TMTC2: variants seen among roughly 807,000 people sequenced by gnomAD.
TMTC2 encodes the protein protein O-mannosyl-transferase TMTC2.
TMTC2 carries 43 observed loss-of-function variants against 82.4 expected under a neutral mutation model. The observed-to-expected ratio is 0.52, with a 90% confidence interval of 0.41 to 0.67. TMTC2 has a LOEUF of 0.67. Among genes scored for constraint, TMTC2 ranks in the 30% least tolerant of loss-of-function variants. The pLI, the probability that TMTC2 is intolerant of heterozygous loss-of-function variation, is 0.00. For missense variants in TMTC2, 919 were observed against 1,012.4 expected (o/e 0.91, Z 1.25); for synonymous variants, 408 against 381.9 (o/e 1.07, Z -0.80).
At chr12:82,982,885 G>C (rs1878985602) in intron 7 of TMTC2, among the ~76,000 whole-genome samples, 1 of 151,966 alleles carries the variant, frequency 6.6e-6, no homozygotes, top group Non-Finnish European at 1.5e-5. Context: ...CATGATTTTT[G>C]AGTGTATAAT....
At chr12:82,753,198 C>T (rs1352881152) in intron 1 of TMTC2, among the ~76,000 whole-genome samples, 1 of 152,142 alleles carries the variant, frequency 6.6e-6, no homozygotes, top group African/African-American at 2.4e-5. Context: ...CTCCTACCCT[C>T]AGGAGCCAGG....
chr12:82,797,360 G>A (rs1878772697), intron 1 of TMTC2, among the ~76,000 whole-genome samples: 1 of 152,122 alleles, frequency 6.6e-6, no homozygotes, highest in Non-Finnish European at 1.5e-5. Context: ...TTACACTTCT[G>A]TAGCATAATG....
At chr12:82,814,832 A>G (rs1298228891) in intron 1 of TMTC2, among the ~76,000 whole-genome samples, 4 of 152,178 alleles carry the variant, frequency 2.6e-5, no homozygotes, top group Admixed American at 2.0e-4. Context: ...TTGAAATACT[A>G]CTGTAGAATC....
At chr12:82,980,814 A>G (rs1014288465) in intron 7 of TMTC2, among the ~76,000 whole-genome samples, 1 of 151,850 alleles carries the variant, frequency 6.6e-6, no homozygotes, top group Non-Finnish European at 1.5e-5. Flanking sequence ...GCCACTTACT[A>G]TCTGAGGTGT....
At chr12:82,954,842 A>G (rs1163149420) in intron 4 of TMTC2, among the ~76,000 whole-genome samples, 2 of 152,216 alleles carry the variant, frequency 1.3e-5, no homozygotes, top group Non-Finnish European at 2.9e-5. Flanking sequence ...GGTCAGATGT[A>G]TTGTCAGAAG....
At chr12:82,912,619 C>T (rs1295895782) in intron 3 of TMTC2, among the ~76,000 whole-genome samples, 1 of 152,106 alleles carries the variant, frequency 6.6e-6, no homozygotes, top group Non-Finnish European at 1.5e-5. Context: ...ATGATGGCAT[C>T]ATGTTACCTT....
chr12:83,133,250 G>A lies in TMTC2; in HGVS notation c.*861G>A, dbSNP rs745877193. On this transcript the variant is annotated 3_prime_UTR_variant, in exon 12 of 12. Coordinates refer to ENST00000321196, the MANE Select transcript of TMTC2 (RefSeq NM_152588.3). ...TGGAGAATGTGCAAGCTTACATAAG[G>A]ATAAAGGACAGGGGAGGAGTTTGTA... 2 of 152,162 alleles carry A rather than the reference G, an allele frequency of 1.3e-5. No individual in the cohort carries two copies. The highest frequency in any genetic ancestry group is 2.9e-5 in the Non-Finnish European group (2 of 68,042). 9.4% of individuals were successfully genotyped at this position (152,162 alleles called of 1,614,324 possible).
At chr12:82,736,288 A>G (rs940732747) in intron 1 of TMTC2, among the ~76,000 whole-genome samples, 1 of 152,172 alleles carries the variant, frequency 6.6e-6, no homozygotes, top group Non-Finnish European at 1.5e-5. Context: ...TAAAATAATT[A>G]TTAGCAATTT....
intron 1 of TMTC2, among the ~76,000 whole-genome samples, chr12:82,773,633 G>A (rs1202137109): frequency 6.6e-6 from 1 of 151,474 alleles, no homozygotes; most frequent in Non-Finnish European, 1.5e-5. Context: ...GCTAGTTGTT[G>A]TATTTTTAGT....
chr12:83,083,555 G>A, intron 11 of TMTC2, among the ~76,000 whole-genome samples: 1 of 152,090 alleles, frequency 6.6e-6, no homozygotes, highest in East Asian at 1.9e-4. Flanking sequence ...GTGATGGCAG[G>A]TACTTGGTTC....
intron 2 of TMTC2, among the ~76,000 whole-genome samples, chr12:82,858,555 C>G (rs555990465): frequency 1.2e-3 from 181 of 152,224 alleles, no homozygotes; most frequent in Middle Eastern, 6.8e-3. Flanking sequence ...TACTTTTTCA[C>G]CATCGATTTC....
At position 82,687,353 on chromosome 12, in the gene TMTC2, G is replaced by A; in HGVS notation, c.-234G>A. The A allele has an allele frequency of 3.5e-6, 2 of 570,056 alleles. No homozygotes were observed. The highest frequency in any genetic ancestry group is 5.9e-5 in the East Asian group (2 of 33,694). 35.3% of individuals were successfully genotyped at this position (570,056 alleles called of 1,614,324 possible). On this transcript the variant is annotated 5_prime_UTR_variant, in exon 1 of 12. The change abolishes an upstream ATG in the 5' untranslated region. Coordinates refer to ENST00000321196, the MANE Select transcript of TMTC2 (RefSeq NM_152588.3). ...CTCACCGCTTGCGGGCGCCGGGCATGGGGAGTGTGGTGTGAGCCCGCACCC... is the reference window on the plus strand; with the variant it reads ...CTCACCGCTTGCGGGCGCCGGGCATAGGGAGTGTGGTGTGAGCCCGCACCC...
chr12:82,776,525 C>G (rs1477355663), intron 1 of TMTC2, among the ~76,000 whole-genome samples: 1 of 150,246 alleles, frequency 6.7e-6, no homozygotes, highest in Non-Finnish European at 1.5e-5. Context: ...AATCTCAGCA[C>G]TTTGGGAGGC....
rs747690926 is a variant in TMTC2, at chr12:83,030,909, C to A, written c.2152+30C>A. Reference sequence around the variant, plus strand: ...GTGGTTGATAGTTTTTTTTCCATGTCCCCCACATTTACTATTAATGTTGAT... The same window carrying A: ...GTGGTTGATAGTTTTTTTTCCATGTACCCCACATTTACTATTAATGTTGAT... On this transcript the variant is annotated intron_variant, in intron 9 of 11. Coordinates refer to ENST00000321196, the MANE Select transcript of TMTC2 (RefSeq NM_152588.3). 34 of 1,500,614 alleles carry A rather than the reference C, an allele frequency of 2.3e-5. No homozygotes were observed. The Middle Eastern group carries it at 2.0e-3, about 90-fold the overall frequency. 93.0% of individuals were successfully genotyped at this position (1,500,614 alleles called of 1,614,324 possible).
intron 1 of TMTC2, among the ~76,000 whole-genome samples, chr12:82,758,033 A>G (rs1201330130): frequency 2.0e-5 from 3 of 152,176 alleles, no homozygotes; most frequent in African/African-American, 7.2e-5. Flanking sequence ...TGTAAGTTGT[A>G]TGAAGTAAGA....
chr12:83,050,810 C>A, intron 9 of TMTC2, 94 bp from the exon 10 acceptor site: 1 of 664,272 alleles, frequency 1.5e-6, no homozygotes, highest in Non-Finnish European at 2.5e-6. Flanking sequence ...AGCTTCAAAT[C>A]ACCTTTACCA....
At chr12:82,904,469 C>T (rs1372294322) in intron 3 of TMTC2, among the ~76,000 whole-genome samples, 1 of 152,128 alleles carries the variant, frequency 6.6e-6, no homozygotes, top group Non-Finnish European at 1.5e-5. Flanking sequence ...TGGTTTAAAT[C>T]TGGATAGTGG....
chr12:82,798,376 A>T (rs2137032363), intron 1 of TMTC2, among the ~76,000 whole-genome samples: 1 of 148,370 alleles, frequency 6.7e-6, no homozygotes, highest in Middle Eastern at 3.6e-3. Context: ...GGGCGCCTGT[A>T]GTCCCAGCTA....
intron 1 of TMTC2, among the ~76,000 whole-genome samples, chr12:82,692,461 T>C (rs913803906): frequency 2.6e-5 from 4 of 152,234 alleles, no homozygotes; most frequent in Admixed American, 6.5e-5. Context: ...AAAATGCCTC[T>C]GGTGGTACAA....
Sources: allele counts gnomAD v4.1 joint callset (sites outside exome capture counted in the v4.1 genomes callset), GRCh38; gene constraint gnomAD v4.1.1; transcripts MANE v1.5; gene names NCBI Gene and HGNC (gene_info 2026-07-23, HGNC 2026-07-21).